Variants in ZBTB37 observed in about 807,000 individuals in gnomAD.
The protein encoded by ZBTB37 is zinc finger and BTB domain-containing protein 37.
ZBTB37 carries 15 observed loss-of-function variants against 37.7 expected under a neutral mutation model. That is an observed-to-expected ratio of 0.40 (90% CI 0.27 to 0.61). The LOEUF (loss-of-function observed/expected upper bound fraction) is 0.61, where lower values mean the gene tolerates loss of function less well. Ranked by LOEUF, ZBTB37 falls within the 20% of genes least tolerant of loss-of-function variation. The pLI, the probability that ZBTB37 is intolerant of heterozygous loss-of-function variation, is 0.44. For missense variants in ZBTB37, 514 were observed against 641.9 expected (o/e 0.80, Z 2.15); for synonymous variants, 231 against 220.6 (o/e 1.05, Z -0.42).
chr1:173,877,956 A>T (rs1656076506), intron 4 of ZBTB37, among the ~76,000 whole-genome samples: 1 of 152,218 alleles, frequency 6.6e-6, no homozygotes, highest in South Asian at 2.1e-4. Flanking sequence ...TATGACATGA[A>T]GGTTAATATA....
intron 4 of ZBTB37, among the ~76,000 whole-genome samples, chr1:173,882,172 G>A (rs79986263): frequency 0.47 from 71,238 of 150,714 alleles, 19,876 homozygotes; most frequent in African/African-American, 0.77. Flanking sequence ...GCCCTTTGTC[G>A]GATGGGTAGA....
chr1:173,869,775 A>G (rs1211670243), intron 2 of ZBTB37, among the ~76,000 whole-genome samples: 1 of 146,236 alleles, frequency 6.8e-6, no homozygotes, highest in Non-Finnish European at 1.5e-5. Flanking sequence ...GAGGGATATC[A>G]AGCTATGTAG....
At chr1:173,877,267 AC>A (rs1656031066) in intron 4 of ZBTB37, among the ~76,000 whole-genome samples, 1 of 152,156 alleles carries the variant, frequency 6.6e-6, no homozygotes, top group Non-Finnish European at 1.5e-5. Context: ...GTAAGACTCT[AC>A]AGTATAAACT....
intron 4 of ZBTB37, among the ~76,000 whole-genome samples, chr1:173,877,729 A>G (rs1656063228): frequency 6.6e-6 from 1 of 152,104 alleles, no homozygotes; most frequent in African/African-American, 2.4e-5. Context: ...AGCCTCAAGG[A>G]TAGGGTAATA....
downstream of ZBTB37, chr1:173,887,108 T>C (rs550016591): frequency 2.6e-5 from 4 of 152,336 alleles, no homozygotes; most frequent in East Asian, 7.7e-4. Flanking sequence ...TGAGCCTGGA[T>C]TGTATTTTTA....
At chr1:173,897,905 C>T (rs1286483462) in exon 4 of ZBTB37, 1 of 152,130 alleles carries the variant, frequency 6.6e-6, no homozygotes, top group African/African-American at 2.4e-5. Flanking sequence ...ATTTTGTTGC[C>T]CAAATCAAAC....
At chr1:173,891,440 CAT>C (rs1491441433), downstream of ZBTB37, 8 of 149,232 alleles carry the variant, frequency 5.4e-5, no homozygotes, top group Admixed American at 1.3e-4. Flanking sequence ...TGTTTTGAAA[CAT>C]AATGAAACAT....
At chr1:173,869,425 A>G (rs1378472023) in intron 2 of ZBTB37, among the ~76,000 whole-genome samples, 1 of 152,218 alleles carries the variant, frequency 6.6e-6, no homozygotes, top group African/African-American at 2.4e-5. Context: ...ATGTTGGCAT[A>G]CTTGGTAAAT....
At chr1:173,870,132 T>C (rs1193324266) in intron 2 of ZBTB37, 68 bp from the exon 3 acceptor site, 2 of 1,107,276 alleles carry the variant, frequency 1.8e-6, no homozygotes, top group Non-Finnish European at 2.5e-6. Flanking sequence ...TAAATACTTT[T>C]GAAATGGAAA....
chr1:173,873,558 A>G (rs774835901), exon 4 of ZBTB37: 3 of 1,614,082 alleles, frequency 1.9e-6, no homozygotes, highest in Non-Finnish European at 2.5e-6. Context: ...TAAGCAACCC[A>G]GCTCCCAGGT....
At chr1:173,889,472 G>C (rs1440357293), downstream of ZBTB37, 2 of 152,230 alleles carry the variant, frequency 1.3e-5, no homozygotes, top group African/African-American at 4.8e-5. Flanking sequence ...TGCAAACACT[G>C]GGACTGTTTT....
exon 4 of ZBTB37, chr1:173,901,504 A>G (rs1413228884): frequency 1.4e-5 from 2 of 144,778 alleles, no homozygotes; most frequent in African/African-American, 5.3e-5. Flanking sequence ...CCTGGACTCT[A>G]TCCTCCTGCC....
exon 4 of ZBTB37, chr1:173,892,727 C>T (rs1656889038): frequency 1.3e-5 from 2 of 152,228 alleles, no homozygotes; most frequent in South Asian, 2.1e-4. Context: ...ATATCAGTAG[C>T]TCACATCTTA....
chr1:173,871,579 C>G (rs890663256), intron 3 of ZBTB37, among the ~76,000 whole-genome samples: 2 of 152,178 alleles, frequency 1.3e-5, no homozygotes, highest in African/African-American at 4.8e-5. Context: ...TTTCTTTGCC[C>G]CCAACTACCA....
intron 4 of ZBTB37, among the ~76,000 whole-genome samples, chr1:173,877,391 T>G (rs1398066518): frequency 8.0e-6 from 1 of 125,326 alleles, no homozygotes; most frequent in African/African-American, 3.6e-5. Context: ...TTTTTTTTTT[T>G]TTTTTTCCGA....
At chr1:173,894,020 G>A (rs1344608665) in exon 4 of ZBTB37, 1 of 152,200 alleles carries the variant, frequency 6.6e-6, no homozygotes, top group Non-Finnish European at 1.5e-5. Flanking sequence ...CAGTAGCCAG[G>A]AACAGTACTG....
At position 173,868,420 on chromosome 1, in the gene ZBTB37, T is replaced by G. The variant is rs901301208; in HGVS notation, c.-226+15T>G. ...CACCCCCGGAGGTAGGTGCTGCTCC[T>G]TGACTGGACTCGGGCCCCACACCCC... On this transcript the variant is annotated intron_variant, in intron 1 of 4. Transcript: ENST00000427304. 4 of 153,244 alleles carry G rather than the reference T, an allele frequency of 2.6e-5. No individual in the cohort carries two copies. Among genetic ancestry groups the G allele is most frequent in the African/African-American group, 9.6e-5 (4 of 41,464 alleles). 9.5% of individuals were successfully genotyped at this position (153,244 alleles called of 1,614,324 possible). A position where few individuals can be genotyped will look rare whatever the true frequency, so the allele number is the denominator to read the frequency against.
At chr1:173,900,430 A>G (rs527958564) in exon 4 of ZBTB37, 1 of 152,246 alleles carries the variant, frequency 6.6e-6, no homozygotes, top group South Asian at 2.1e-4. Flanking sequence ...CTCAACACAG[A>G]GGGGAGAACT....
chr1:173,879,528 G>A (rs6682076), intron 4 of ZBTB37, among the ~76,000 whole-genome samples: 17,308 of 152,186 alleles, frequency 0.11, 1,087 homozygotes, highest in Middle Eastern at 0.18. Flanking sequence ...CCACTTTTAA[G>A]AAGAGGGCTC....
Sources: gnomAD v4.1 joint callset for allele counts (sites outside exome capture counted in the v4.1 genomes callset) on GRCh38, gnomAD v4.1.1 for gene constraint, MANE v1.5 for transcripts, NCBI Gene and HGNC (gene_info 2026-07-23, HGNC 2026-07-21) for gene names.